Variants in LONP2 observed in about 807,000 individuals in gnomAD.
LONP2 encodes lon protease homolog 2, peroxisomal.
Under a neutral mutation model 85.6 loss-of-function variants are expected in LONP2, and 60 were observed. That is an observed-to-expected ratio of 0.70 (90% confidence interval 0.57 to 0.87). The LOEUF (loss-of-function observed/expected upper bound fraction) is 0.87, where lower values mean the gene tolerates loss of function less well. Among genes scored for constraint, LONP2 ranks in the 40% least tolerant of loss-of-function variants. The probability of loss-of-function intolerance (pLI) is 0.00; values close to 1 mark genes in which losing one functional copy is unlikely to be tolerated. For synonymous variants in LONP2, 395 were observed against 389.7 expected (o/e 1.01, Z -0.16); for missense variants, 860 against 1,063.5 (o/e 0.81, Z 2.66).
chr16:48,269,200 GTT>G (rs749826185), intron 6 of LONP2, among the ~76,000 whole-genome samples: 72 of 125,692 alleles, frequency 5.7e-4, no homozygotes, highest in Non-Finnish European at 6.0e-4. Context: ...TACATCATCT[GTT>G]TTTTTTTTTT....
At chr16:48,264,156 T>G (rs1412509368) in intron 6 of LONP2, among the ~76,000 whole-genome samples, 1 of 152,222 alleles carries the variant, frequency 6.6e-6, no homozygotes, top group South Asian at 2.1e-4. Flanking sequence ...CCATTGTCAC[T>G]GATAACATCT....
chr16:48,358,427 T>A (rs1216998770), downstream of LONP2, among the ~76,000 whole-genome samples: 1 of 152,118 alleles, frequency 6.6e-6, no homozygotes, highest in Non-Finnish European at 1.5e-5. Context: ...TAACAAAAAT[T>A]ATTTTTCCAA....
At position 48,261,601 on chromosome 16, in the gene LONP2, G is replaced by T; in HGVS notation, c.887+14G>T. The T allele has an allele frequency of 1.3e-6, 2 of 1,522,368 alleles. No homozygotes were observed. The highest frequency in any genetic ancestry group is 2.6e-5 in the South Asian group (2 of 76,078). 94.3% of individuals were successfully genotyped at this position (1,522,368 alleles called of 1,614,324 possible). ...AGAGATAAAGAGGTAAATTATAAAA[G>T]GCATTTGTTCATTATTGTTTTCATT... On this transcript the variant is annotated intron_variant, in intron 5 of 14. Coordinates refer to ENST00000285737, the MANE Select transcript of LONP2 (RefSeq NM_031490.5).
rs1469632804 is a variant in LONP2, at chr16:48,270,265, G to A, written c.1232G>A (p.Arg411Gln). The A allele has an allele frequency of 2.5e-6, 4 of 1,613,770 alleles. No individual in the cohort carries two copies. In the East Asian group the frequency reaches 6.7e-5, roughly 27 times the overall value. Residue 411 changes from arginine to glutamine, a missense_variant, in exon 7 of 15, where the codon CGA (arginine) becomes CAA (glutamine). By Grantham distance (43) the Arg-to-Gln change is conservative. Around this residue, in one of 3 missense-constraint regions of LONP2, gnomAD observed 743 missense variants for 917.3 expected, o/e 0.81. Transcript: ENST00000285737. ...LGGVCDQSDI[R>Q]GHRRTYVGSM... is the part of the protein sequence containing the mutation. ...GGAGTATGTGATCAGTCTGACATTC[G>A]AGGACACAGGTAGAACACTTCTCTC...
intron 8 of LONP2, among the ~76,000 whole-genome samples, chr16:48,287,504 T>C (rs926672048): frequency 6.6e-6 from 1 of 152,224 alleles, no homozygotes; most frequent in African/African-American, 2.4e-5. Flanking sequence ...TCTCACAGAG[T>C]GTTCTCTGAG....
chr16:48,338,550 T>C (rs8046408), intron 12 of LONP2, among the ~76,000 whole-genome samples: 31,512 of 151,944 alleles, frequency 0.21, 4,048 homozygotes, highest in African/African-American at 0.36. Flanking sequence ...GGGGAAGACT[T>C]GGGGAGGGAG....
chr16:48,244,852 T>G (rs1801427760), intron 1 of LONP2, among the ~76,000 whole-genome samples: 1 of 152,182 alleles, frequency 6.6e-6, no homozygotes. Context: ...AACTACGCAG[T>G]TCCCTACCGT....
At chr16:48,295,066 C>G (rs1359300322) in intron 8 of LONP2, among the ~76,000 whole-genome samples, 1 of 152,152 alleles carries the variant, frequency 6.6e-6, no homozygotes, top group African/African-American at 2.4e-5. Flanking sequence ...TCCAAGTTGA[C>G]TGATAAATTA....
In LONP2 at chr16:48,269,638, T is replaced by C. The variant is rs1437626024; in HGVS notation, c.983-378T>C. 2.6e-5 allele frequency among the ~76,000 whole-genome samples: 4 copies of C among 152,272 alleles called. No homozygotes were observed. In the South Asian group the frequency reaches 6.2e-4, roughly 24 times the overall value. The stretch of plus-strand genomic sequence containing the variant: ...GTTTTCTTCTTTTCTGTTAGTGTTA[T>C]CAGGTTTTCTGGAATGAACATATGT... On this transcript the variant is annotated intron_variant, in intron 6 of 14. Transcript: ENST00000285737.
chr16:48,361,446 CCTTT>C, downstream of LONP2: 1 of 791,124 alleles, frequency 1.3e-6, no homozygotes, highest in Non-Finnish European at 2.0e-6. Context: ...TATTTAACAG[CCTTT>C]CTTTTTATTT....
chr16:48,273,531 A>C (rs1385840315), intron 7 of LONP2, among the ~76,000 whole-genome samples: 1 of 152,184 alleles, frequency 6.6e-6, no homozygotes, highest in African/African-American at 2.4e-5. Context: ...TCAGTTTTTC[A>C]GTCTTTTCGA....
intron 1 of LONP2, among the ~76,000 whole-genome samples, chr16:48,249,101 A>T (rs1971554157): frequency 6.6e-6 from 1 of 152,194 alleles, no homozygotes; most frequent in African/African-American, 2.4e-5. Flanking sequence ...ACCTCACTTG[A>T]ATGAAAACAA....
chr16:48,254,139 G>C (rs1321657970), intron 2 of LONP2, among the ~76,000 whole-genome samples: 1 of 152,110 alleles, frequency 6.6e-6, no homozygotes, highest in Non-Finnish European at 1.5e-5. Flanking sequence ...ATTCCCTTGA[G>C]TAAAAGACTT....
intron 9 of LONP2, 105 bp downstream of exon 9, chr16:48,296,270 T>TA: frequency 8.0e-7 from 1 of 1,252,988 alleles, no homozygotes; most frequent in Admixed American, 2.2e-5. Context: ...TTTGCCAACA[T>TA]ACAATCTTCA....
At chr16:48,277,678 A>AT (rs1361868816) in intron 8 of LONP2, among the ~76,000 whole-genome samples, 199 bp downstream of exon 8, 1 of 149,508 alleles carries the variant, frequency 6.7e-6, no homozygotes. Flanking sequence ...CTTTTTTTTT[A>AT]TTTTCCTTTT....
intron 5 of LONP2, among the ~76,000 whole-genome samples, chr16:48,262,509 T>G (rs1321013286): frequency 6.6e-6 from 1 of 152,188 alleles, no homozygotes; most frequent in African/African-American, 2.4e-5. Context: ...GAGAATACTT[T>G]GTAGAGAAAG....
chr16:48,285,880 A>G (rs1972429160), intron 8 of LONP2, among the ~76,000 whole-genome samples: 1 of 152,062 alleles, frequency 6.6e-6, no homozygotes, highest in African/African-American at 2.4e-5. Flanking sequence ...TGTGCAGCCA[A>G]TCTCCAGAAC....
intron 11 of LONP2, among the ~76,000 whole-genome samples, chr16:48,318,934 GAA>G (rs1256227578): frequency 5.3e-5 from 8 of 151,734 alleles, no homozygotes; most frequent in Non-Finnish European, 1.0e-4. Context: ...ACCAAAACAG[GAA>G]GCTGGCTCTG....
chr16:48,306,050 G>T lies in LONP2; in HGVS notation c.1795+2745G>T, dbSNP rs897298719. Among the ~76,000 whole-genome samples, 3 of 152,148 alleles carry T rather than the reference G, an allele frequency of 2.0e-5. No homozygotes were observed. The South Asian group carries it at 6.2e-4, about 31-fold the overall frequency. ...TGAAGTCTATAAAAGTTAAGACCTA[G>T]ATCTAGATGCTCCTGAATTTCCCCT... On this transcript the variant is annotated intron_variant, in intron 11 of 14. Coordinates refer to ENST00000285737, the MANE Select transcript of LONP2 (RefSeq NM_031490.5).
Sources: gnomAD v4.1 joint callset for allele counts (sites outside exome capture counted in the v4.1 genomes callset) on GRCh38, gnomAD v4.1.1 for gene constraint, gnomAD v4.1.1 regional missense constraint, MANE v1.5 for transcripts, NCBI Gene and HGNC (gene_info 2026-07-23, HGNC 2026-07-21) for gene names.